Variants in RNF212B observed in about 807,000 individuals in gnomAD.
RNF212B encodes ring finger protein 212B.
RNF212B carries 52 observed loss-of-function variants against 55.5 expected under a neutral mutation model. That is an observed-to-expected ratio of 0.94 (90% CI 0.75 to 1.18). The LOEUF (loss-of-function observed/expected upper bound fraction) is 1.18, where lower values mean the gene tolerates loss of function less well. Among genes scored for constraint, RNF212B ranks in the 50% most tolerant of loss-of-function variants. The pLI is 0.00. For synonymous variants in RNF212B, 99 were observed against 121.4 expected, an observed-to-expected ratio of 0.82 and a Z score of 1.21; for missense variants, 289 against 350.4, an observed-to-expected ratio of 0.82 and a Z score of 1.40.
intron 2 of RNF212B, among the ~76,000 whole-genome samples, chr14:23,203,815 C>T (rs1760182952): frequency 1.3e-5 from 2 of 152,152 alleles, no homozygotes; most frequent in Admixed American, 1.3e-4. Flanking sequence ...CACTGTTTTC[C>T]CTAGTGGCTG....
At chr14:23,201,460 A>C (rs1208465421) in intron 2 of RNF212B, among the ~76,000 whole-genome samples, 1 of 152,234 alleles carries the variant, frequency 6.6e-6, no homozygotes, top group Non-Finnish European at 1.5e-5. Flanking sequence ...TAGAATTATA[A>C]GTTTCTCATA....
rs141859602 is a variant in RNF212B at position 23,231,334 on chromosome 14, C to A, written c.-1-9011C>A. ...AATGGAATTATTTTCTCTGGGCAAT[C>A]AATTTTTGACAAAGGCAATTTAGTT... On this transcript the variant is annotated intron_variant, in intron 2 of 15. Coordinates refer to the RNF212B transcript ENST00000399910. Among the ~76,000 whole-genome samples the A allele has an allele frequency of 2.5e-3, 387 of 152,164 alleles. 2 individuals are homozygous for A. Among genetic ancestry groups the A allele is most frequent in the African/African-American group, 8.9e-3 (369 of 41,520 alleles).
intron 2 of RNF212B, among the ~76,000 whole-genome samples, chr14:23,213,599 G>T (rs1361346154): frequency 6.6e-6 from 1 of 152,128 alleles, no homozygotes; most frequent in African/African-American, 2.4e-5. Flanking sequence ...GCAAGAAGGT[G>T]GTGGGAGTCA....
chr14:23,271,368 A>G (rs1409249517), intron 14 of RNF212B, among the ~76,000 whole-genome samples: 1 of 151,794 alleles, frequency 6.6e-6, no homozygotes, highest in African/African-American at 2.4e-5. Flanking sequence ...GCTTGAACCC[A>G]GGAGGCGGAG....
intron 4 of RNF212B, among the ~76,000 whole-genome samples, chr14:23,248,852 G>A (rs1426592533): frequency 1.3e-5 from 2 of 152,180 alleles, no homozygotes; most frequent in Non-Finnish European, 2.9e-5. Flanking sequence ...GGAGTTGAGT[G>A]TCAACAAATG....
chr14:23,216,878 TCA>T (rs1491420441), intron 2 of RNF212B, among the ~76,000 whole-genome samples: 1 of 91,044 alleles, frequency 1.1e-5, no homozygotes, highest in African/African-American at 4.5e-5. Flanking sequence ...TGACCCTGTC[TCA>T]AAAAAAAAAA....
intron 2 of RNF212B, among the ~76,000 whole-genome samples, chr14:23,208,577 C>G (rs953025947): frequency 5.3e-5 from 8 of 151,930 alleles, no homozygotes; most frequent in African/African-American, 1.9e-4. Flanking sequence ...ATAAGTAGCA[C>G]AGTATTGTTA....
intron 14 of RNF212B, chr14:23,272,351 C>T (rs372793100): frequency 4.1e-5 from 7 of 171,186 alleles, no homozygotes; most frequent in Non-Finnish European, 7.6e-5. Flanking sequence ...ACCCGGGAGG[C>T]GGAGCTTGCA....
intron 2 of RNF212B, among the ~76,000 whole-genome samples, chr14:23,210,270 G>A (rs115572952): frequency 2.6e-5 from 4 of 152,236 alleles, no homozygotes; most frequent in African/African-American, 4.8e-5. Flanking sequence ...CCTTAAAACC[G>A]TCAAGCTCAT....
chr14:23,204,421 T>C (rs866196582), intron 2 of RNF212B, among the ~76,000 whole-genome samples: 26 of 152,202 alleles, frequency 1.7e-4, no homozygotes, highest in Non-Finnish European at 3.1e-4. Context: ...GAGATGAGGA[T>C]CTAGTTTCAT....
At chr14:23,270,561 C>G (rs1353871885) in intron 13 of RNF212B, 39 bp from the exon 14 acceptor site, 2 of 1,467,034 alleles carry the variant, frequency 1.4e-6, no homozygotes, top group African/African-American at 2.8e-5. Context: ...AGAAACTGCC[C>G]AAGTAAGTTA....
intron 4 of RNF212B, among the ~76,000 whole-genome samples, chr14:23,250,671 A>G (rs1884339489): frequency 6.6e-6 from 1 of 152,110 alleles, no homozygotes; most frequent in Non-Finnish European, 1.5e-5. Flanking sequence ...GTTAATTTAG[A>G]AAGTTTATTT....
intron 2 of RNF212B, among the ~76,000 whole-genome samples, chr14:23,204,654 T>G (rs1879658197): frequency 6.6e-6 from 1 of 152,192 alleles, no homozygotes; most frequent in Non-Finnish European, 1.5e-5. Flanking sequence ...AATCAGTTAG[T>G]GTGATACCTC....
chr14:23,262,080 T>C (rs1024693596), intron 7 of RNF212B, among the ~76,000 whole-genome samples: 1 of 152,202 alleles, frequency 6.6e-6, no homozygotes, highest in African/African-American at 2.4e-5. Flanking sequence ...ACACTGCCCC[T>C]ACATTCATAG....
chr14:23,191,703 G>T (rs1878136519), intron 1 of RNF212B, among the ~76,000 whole-genome samples: 1 of 152,204 alleles, frequency 6.6e-6, no homozygotes, highest in East Asian at 1.9e-4. Flanking sequence ...GTGGGATGAT[G>T]GGTAATAGTC....
Position 23,260,703 on chromosome 14 carries a change from T to C in RNF212B, c.434+16T>C, listed in dbSNP as rs1158492698. 1.2e-5 allele frequency: 18 copies of C among 1,549,740 alleles called. No homozygotes were observed. Among genetic ancestry groups the C allele is most frequent in the Middle Eastern group, 1.7e-4 (1 of 6,008 alleles). ...AAGGAAGCAGGTCAGTTTTATCAGC[T>C]CCCATACTAGCCCAGCCCCCTGAAA... is the stretch of plus-strand genomic sequence containing the variant. On this transcript the variant is annotated intron_variant, in intron 7 of 14. Coordinates refer to ENST00000430154, the MANE Select transcript of RNF212B (RefSeq NM_001282322.3).
chr14:23,230,680 A>C (rs1326547676), intron 2 of RNF212B, among the ~76,000 whole-genome samples: 5 of 147,562 alleles, frequency 3.4e-5, no homozygotes, highest in Admixed American at 1.3e-4. Context: ...AAAAAAAAAA[A>C]AAACCATTGC....
chr14:23,217,264 G>T (rs1008921277), intron 2 of RNF212B, among the ~76,000 whole-genome samples: 6 of 150,654 alleles, frequency 4.0e-5, no homozygotes, highest in Non-Finnish European at 8.9e-5. Flanking sequence ...GTGGGGGGGG[G>T]GCTCCTCTGC....
chr14:23,231,615 CT>C (rs1882616986), intron 2 of RNF212B, among the ~76,000 whole-genome samples: 1 of 150,912 alleles, frequency 6.6e-6, no homozygotes, highest in Non-Finnish European at 1.5e-5. Flanking sequence ...AGAGCTCCCC[CT>C]CTCCCCTCTC....
Sources: allele counts gnomAD v4.1 joint callset (sites outside exome capture counted in the v4.1 genomes callset), GRCh38; gene constraint gnomAD v4.1.1; transcripts MANE v1.5; gene names NCBI Gene and HGNC (gene_info 2026-07-23, HGNC 2026-07-21).